Variants in VPS53 observed in about 807,000 individuals in gnomAD.
The protein encoded by VPS53 is vacuolar protein sorting-associated protein 53 homolog.
In VPS53, 70 loss-of-function variants were observed where a neutral mutation model predicts 107.0. That is an observed-to-expected ratio of 0.65 (90% CI 0.54 to 0.80). The LOEUF is 0.80. VPS53 is among the 30% of genes least tolerant of loss of function. VPS53 has a pLI of 0.00. For missense variants in VPS53, 917 were observed against 1,049.4 expected, an observed-to-expected ratio of 0.87 and a Z score of 1.74; for synonymous variants, 409 against 393.3, an observed-to-expected ratio of 1.04 and a Z score of -0.47.
intron 18 of VPS53, among the ~76,000 whole-genome samples, chr17:534,512 G>A (rs1319604972): frequency 6.6e-6 from 1 of 152,184 alleles, no homozygotes; most frequent in Non-Finnish European, 1.5e-5. Flanking sequence ...GGGCTATTTG[G>A]AAGGAATTCC....
intron 4 of VPS53, among the ~76,000 whole-genome samples, chr17:670,498 G>T (rs1338965542): frequency 6.6e-6 from 1 of 152,222 alleles, no homozygotes; most frequent in East Asian, 1.9e-4. Flanking sequence ...AAGATAAGGA[G>T]TATGGAACCT....
At position 608,119 on chromosome 17, in the gene VPS53, C is replaced by T. The variant is rs780132344; in HGVS notation, c.1117-6223G>A. On this transcript the variant is annotated intron_variant, in intron 11 of 21. Coordinates refer to ENST00000437048, the MANE Select transcript of VPS53 (RefSeq NM_001128159.3). ...TAATTGGTCCTTAAAGAGATGGCTG[C>T]GGGGCTTTAGCTGACAGTCAGGACT... Among the ~76,000 whole-genome samples the T allele has an allele frequency of 4.6e-5, 7 of 152,182 alleles. No homozygotes were observed. The East Asian group carries it at 9.6e-4, about 21-fold the overall frequency.
chr17:667,731 G>T (rs1597462934), intron 4 of VPS53, among the ~76,000 whole-genome samples: 5 of 151,864 alleles, frequency 3.3e-5, no homozygotes. Flanking sequence ...TAGTGCAGGG[G>T]ACCCCAAGCC....
At chr17:595,468 G>C (rs1967916156) in intron 12 of VPS53, among the ~76,000 whole-genome samples, 1 of 66,110 alleles carries the variant, frequency 1.5e-5, no homozygotes, top group Non-Finnish European at 3.2e-5. Context: ...CTAGTGCCCT[G>C]CCCTCGAGGA....
intron 11 of VPS53, among the ~76,000 whole-genome samples, chr17:617,583 C>T (rs1597387130): frequency 6.6e-6 from 1 of 151,838 alleles, no homozygotes; most frequent in South Asian, 2.1e-4. Flanking sequence ...TCCCGGGTAG[C>T]TGGGACTACA....
chr17:622,200 G>C (rs1046374955), intron 11 of VPS53, among the ~76,000 whole-genome samples: 1 of 151,884 alleles, frequency 6.6e-6, no homozygotes. Flanking sequence ...GACAGAGCAA[G>C]ACTCTGTCTA....
intron 7 of VPS53, among the ~76,000 whole-genome samples, chr17:644,708 C>T (rs952912281): frequency 7.9e-5 from 12 of 152,002 alleles, no homozygotes; most frequent in African/African-American, 2.7e-4. Context: ...TTCAGCCTCC[C>T]AAGTAACTGG....
Position 631,637 on chromosome 17 carries a change from AAG to A in VPS53, c.609-11_609-10del, listed in dbSNP as rs762957612. ...TCTGTGCAGCCTTCACTCTGTGAGGAAGAGAGAACATATCATCACCTGGCATC... is the reference window on the plus strand; with the variant it reads ...TCTGTGCAGCCTTCACTCTGTGAGGAAGAGAACATATCATCACCTGGCATC... On this transcript the variant is annotated splice_polypyrimidine_tract_variant and intron_variant, in intron 7 of 21. Coordinates refer to ENST00000437048, the MANE Select transcript of VPS53 (RefSeq NM_001128159.3). The A allele has an allele frequency of 3.7e-6, 6 of 1,613,258 alleles. No homozygotes were observed. The African/African-American group carries it at 4.0e-5, about 11-fold the overall frequency.
Position 662,769 on chromosome 17 carries a change from GAAA to G in VPS53, c.286-877_286-875del, listed in dbSNP as rs1567719748. 6.7e-4 allele frequency among the ~76,000 whole-genome samples: 87 copies of G among 129,322 alleles called. No homozygotes were observed. In the South Asian group the frequency reaches 0.022, roughly 33 times the overall value. The allele number at this position is 129,322 out of a possible 152,430, so 84.8% of individuals were successfully genotyped here. On this transcript the variant is annotated intron_variant, in intron 4 of 21. Coordinates refer to ENST00000437048, the MANE Select transcript of VPS53 (RefSeq NM_001128159.3). Reference sequence around the variant, plus strand: ...AAAGAAAGAGAAAGAAAGAAAGAAAGAAAGAGAAAGAAAGAAAAAAAGAAAGAG... The same window carrying G: ...AAAGAAAGAGAAAGAAAGAAAGAAAGGAGAAAGAAAGAAAAAAAGAAAGAG...
At position 614,120 on chromosome 17, in the gene VPS53, A is replaced by G. The variant is rs527802207; in HGVS notation, c.1116+9413T>C. On this transcript the variant is annotated intron_variant, in intron 11 of 21. Transcript: ENST00000437048. ...AACTGCCCAGGACTGGGGAAAGAGAACTTGAAAGTCCTGCCTGCTAAGGAG... is the reference window on the plus strand; with the variant it reads ...AACTGCCCAGGACTGGGGAAAGAGAGCTTGAAAGTCCTGCCTGCTAAGGAG... Among the ~76,000 whole-genome samples, 5 of 152,360 alleles carry G rather than the reference A, an allele frequency of 3.3e-5. No homozygotes were observed. In the South Asian group the frequency reaches 8.3e-4, roughly 25 times the overall value.
chr17:642,099 T>C (rs897575788), intron 7 of VPS53, among the ~76,000 whole-genome samples: 37 of 152,310 alleles, frequency 2.4e-4, no homozygotes, highest in African/African-American at 8.4e-4. Flanking sequence ...ACCTTGTGAG[T>C]GACAGTCCCA....
At chr17:671,390 GA>G (rs1300695256) in intron 4 of VPS53, among the ~76,000 whole-genome samples, 2 of 143,088 alleles carry the variant, frequency 1.4e-5, no homozygotes, top group African/African-American at 2.5e-5. Flanking sequence ...GGGAGGGAGG[GA>G]GGGAGCAACA....
chr17:653,833 C>T (rs1160316209), intron 6 of VPS53, among the ~76,000 whole-genome samples: 1 of 152,194 alleles, frequency 6.6e-6, no homozygotes, highest in African/African-American at 2.4e-5. Flanking sequence ...ATGTTACTAT[C>T]TGAGGATTAC....
intron 5 of VPS53, chr17:656,981 G>A (rs58445115): frequency 0.11 from 97,171 of 913,032 alleles, 6,019 homozygotes; most frequent in East Asian, 0.23. Flanking sequence ...AGAAGATCCC[G>A]GGTACCTCTC....
At chr17:672,724 A>G (rs1039217331) in intron 4 of VPS53, among the ~76,000 whole-genome samples, 4 of 152,378 alleles carry the variant, frequency 2.6e-5, no homozygotes, top group Middle Eastern at 3.4e-3. Context: ...AGATACTGAG[A>G]GAAAAAGATC....
At chr17:608,508 AG>A (rs1205169471) in intron 11 of VPS53, among the ~76,000 whole-genome samples, 1 of 152,196 alleles carries the variant, frequency 6.6e-6, no homozygotes, top group African/African-American at 2.4e-5. Context: ...GGATACCTCC[AG>A]GGGGAGGGAT....
intron 13 of VPS53, among the ~76,000 whole-genome samples, chr17:574,461 T>C (rs529061248): frequency 6.6e-6 from 1 of 152,164 alleles, no homozygotes; most frequent in Non-Finnish European, 1.5e-5. Context: ...ACCTCAGACA[T>C]GTGCTTTAAA....
In VPS53 at chr17:510,955, T is replaced by C. The variant is rs559553856; in HGVS notation, c.*8173A>G. ...GTGTGTAAACTGATGTTTCTTTGTA[T>C]AGCATTTGATATTCGGTGTGGGTAT... On this transcript the variant is annotated 3_prime_UTR_variant, in exon 22 of 22. Transcript: ENST00000437048. 2.6e-5 allele frequency: 4 copies of C among 152,540 alleles called. No homozygotes were observed. Among genetic ancestry groups the C allele is most frequent in the African/African-American group, 7.2e-5 (3 of 41,552 alleles). The allele number at this position is 152,540 out of a possible 1,614,324, so 9.4% of individuals were successfully genotyped here. A position where few individuals can be genotyped will look rare whatever the true frequency, so the allele number is the denominator to read the frequency against.
chr17:648,233 C>A (rs1487201191), intron 7 of VPS53, among the ~76,000 whole-genome samples: 4 of 152,192 alleles, frequency 2.6e-5, no homozygotes, highest in African/African-American at 9.7e-5. Flanking sequence ...CATTCTTGAT[C>A]AGACTAATAG....
Sources: allele counts gnomAD v4.1 joint callset (sites outside exome capture counted in the v4.1 genomes callset), GRCh38; gene constraint gnomAD v4.1.1; transcripts MANE v1.5; gene names NCBI Gene and HGNC (gene_info 2026-07-23, HGNC 2026-07-21).